Variants in RGL1 observed in about 807,000 individuals in gnomAD.
RGL1 encodes ral guanine nucleotide dissociation stimulator like 1, also known as ral guanine nucleotide dissociation stimulator-like 1.
Under a neutral mutation model 95.2 loss-of-function variants are expected in RGL1, and 24 were observed. The observed-to-expected ratio is 0.25, with a 90% CI of 0.18 to 0.35. RGL1 has a LOEUF of 0.35. Among genes scored for constraint, RGL1 ranks in the 10% least tolerant of loss-of-function variants. The pLI, the probability that RGL1 is intolerant of heterozygous loss-of-function variation, is 1.00. For synonymous variants in RGL1, 329 were observed against 344.9 expected (o/e 0.95, Z 0.51); for missense variants, 715 against 936.3 (o/e 0.76, Z 3.08).
At chr1:183,865,177 A>G (rs1665750824) in intron 3 of RGL1, among the ~76,000 whole-genome samples, 1 of 152,250 alleles carries the variant, frequency 6.6e-6, no homozygotes, top group South Asian at 2.1e-4. Flanking sequence ...CAAACAAAAT[A>G]TGATATATTT....
At chr1:183,896,877 C>T (rs1398969221) in intron 9 of RGL1, among the ~76,000 whole-genome samples, 2 of 152,140 alleles carry the variant, frequency 1.3e-5, no homozygotes, top group Non-Finnish European at 2.9e-5. Context: ...GTAAGAGTTC[C>T]AAACCTGAGA....
intron 3 of RGL1, among the ~76,000 whole-genome samples, chr1:183,852,018 C>G (rs1056168630): frequency 1.3e-5 from 2 of 152,022 alleles, no homozygotes; most frequent in African/African-American, 4.8e-5. Context: ...CTTTTGGTTT[C>G]TTAATAGTAG....
intron 1 of RGL1, among the ~76,000 whole-genome samples, chr1:183,663,559 A>G (rs1651806257): frequency 6.6e-6 from 1 of 152,044 alleles, no homozygotes; most frequent in Non-Finnish European, 1.5e-5. Flanking sequence ...AAAGTCAGGA[A>G]ACAACAGGTG....
chr1:183,888,556 A>G lies in RGL1; in HGVS notation c.1034A>G (p.Lys345Arg), dbSNP rs773289281. The G allele has an allele frequency of 6.2e-7, 1 of 1,612,792 alleles. No homozygotes were observed. Among genetic ancestry groups the G allele is most frequent in the African/African-American group, 1.3e-5 (1 of 74,986 alleles). ...LQSNSIYRLK[K>R]TWAAVPRDRM... ...TCTAATTCCATCTATCGGTTAAAAA[A>G]GACTTGGGCTGCCGTCCCAAGGTAA... The change falls in exon 8 of 18, where the codon AAG (lysine) becomes AGG (arginine). Residue 345 changes from lysine (K) to arginine (R), a missense_variant. Lys to Arg is a conservative substitution (Grantham distance 26, BLOSUM62 2). This residue lies in a region of RGL1 where 381 missense variants were observed against 484.8 expected (regional missense o/e 0.79). Transcript: ENST00000360851.
At chr1:183,795,911 A>C (rs1558211500) in intron 2 of RGL1, among the ~76,000 whole-genome samples, 1 of 152,138 alleles carries the variant, frequency 6.6e-6, no homozygotes, top group Admixed American at 6.5e-5. Flanking sequence ...AAAAATCTTG[A>C]GCTACTCAAA....
chr1:183,927,526 AT>A lies in RGL1; in HGVS notation c.*1236del, dbSNP rs1669681610. 6.6e-6 allele frequency: 1 copy of A among 152,522 alleles called. No homozygotes were observed. Among genetic ancestry groups the A allele is most frequent in the Non-Finnish European group, 1.5e-5 (1 of 68,044 alleles). The allele number at this position is 152,522 out of a possible 1,614,324, so 9.4% of individuals were successfully genotyped here. A position where few individuals can be genotyped will look rare whatever the true frequency, so the allele number is the denominator to read the frequency against. ...TCTGAATCATTTGTCTAAGAGGTAC[AT>A]TCTTCCAGATGGAATCAATAACTTT... On this transcript the variant is annotated 3_prime_UTR_variant, in exon 18 of 18. Transcript: ENST00000360851.
rs899622715 is a variant in RGL1 at position 183,806,875 on chromosome 1, CGTCTGCCTT to C, written c.138+392_138+400del. Reference sequence around the variant, plus strand: ...GCCCTCCCCCAATTGATGCTGTCAGCGTCTGCCTTGCTCCTATATCTCTAGGAGGTACCC... The same window carrying C: ...GCCCTCCCCCAATTGATGCTGTCAGCGCTCCTATATCTCTAGGAGGTACCC... On this transcript the variant is annotated intron_variant, in intron 2 of 17. Transcript: ENST00000360851. Among the ~76,000 whole-genome samples the C allele has an allele frequency of 1.4e-4, 22 of 152,232 alleles. 1 individual carries two copies. The highest frequency in any genetic ancestry group is 1.2e-3 in the East Asian group (6 of 5,178).
chr1:183,759,972 C>T (rs1255374518), intron 2 of RGL1, among the ~76,000 whole-genome samples: 2 of 152,176 alleles, frequency 1.3e-5, no homozygotes, highest in African/African-American at 2.4e-5. Flanking sequence ...TCTTATAAGA[C>T]TCATCACATT....
chr1:183,859,342 C>T (rs1182882977), intron 3 of RGL1, among the ~76,000 whole-genome samples: 1 of 152,152 alleles, frequency 6.6e-6, no homozygotes, highest in Non-Finnish European at 1.5e-5. Flanking sequence ...TTTAAATCTG[C>T]GTGAGATATA....
At chr1:183,644,255 T>G (rs1328275606) in intron 1 of RGL1, among the ~76,000 whole-genome samples, 1 of 152,232 alleles carries the variant, frequency 6.6e-6, no homozygotes, top group Non-Finnish European at 1.5e-5. Context: ...CAGCCTTTTT[T>G]TACTACTTGG....
chr1:183,916,102 G>A (rs536526539), intron 15 of RGL1, among the ~76,000 whole-genome samples: 7 of 152,174 alleles, frequency 4.6e-5, no homozygotes, highest in African/African-American at 1.4e-4. Context: ...CTCCAGCCCC[G>A]TAAGCTTCTG....
chr1:183,686,391 C>G (rs1311460289), intron 1 of RGL1, among the ~76,000 whole-genome samples: 1 of 151,698 alleles, frequency 6.6e-6, no homozygotes, highest in Non-Finnish European at 1.5e-5. Flanking sequence ...ATCTTCATTT[C>G]CCTCAGTGGC....
At chr1:183,852,503 C>T (rs1664882903) in intron 3 of RGL1, among the ~76,000 whole-genome samples, 1 of 152,132 alleles carries the variant, frequency 6.6e-6, no homozygotes, top group South Asian at 2.1e-4. Context: ...TATCTAACTT[C>T]AAACATACAC....
chr1:183,769,696 C>G (rs1659180971), intron 2 of RGL1, among the ~76,000 whole-genome samples: 3 of 152,242 alleles, frequency 2.0e-5, no homozygotes, highest in African/African-American at 7.2e-5. Flanking sequence ...GTTCACGTGG[C>G]TACACTTTGT....
intron 17 of RGL1, among the ~76,000 whole-genome samples, chr1:183,925,352 G>T (rs1372386981): frequency 6.6e-6 from 1 of 152,146 alleles, no homozygotes. Flanking sequence ...GGGAAAAGGG[G>T]AGGGAGAGCA....
chr1:183,701,937 G>GA (rs1271801676), intron 1 of RGL1, among the ~76,000 whole-genome samples: 8 of 151,702 alleles, frequency 5.3e-5, no homozygotes, highest in African/African-American at 1.9e-4. Flanking sequence ...ACTCCATCTC[G>GA]AAAAAAATAA....
chr1:183,866,708 G>A (rs1665860960), intron 4 of RGL1, among the ~76,000 whole-genome samples: 1 of 152,184 alleles, frequency 6.6e-6, no homozygotes, highest in African/African-American at 2.4e-5. Flanking sequence ...AAGATAAGAA[G>A]CGCTTAGAAG....
At position 183,805,248 on chromosome 1, in the gene RGL1, C is replaced by A; in HGVS notation, c.-50C>A. The A allele has an allele frequency of 1.2e-6, 2 of 1,605,250 alleles. No homozygotes were observed. The highest frequency in any genetic ancestry group is 1.1e-5 in the South Asian group (1 of 89,302). ...AGCCCAGCAGACATTGCGTTGGCCT[C>A]CGAGCAGGGCGCATCATGCAGCGTT... On this transcript the variant is annotated 5_prime_UTR_variant, in exon 1 of 18. Transcript: ENST00000360851.
intron 2 of RGL1, 60 bp downstream of exon 2, chr1:183,806,545 A>G (rs1661351184): frequency 3.5e-6 from 4 of 1,154,592 alleles, no homozygotes; most frequent in South Asian, 2.6e-5. Context: ...TTCTGTGAAT[A>G]TCATTATTAT....
Sources: gnomAD v4.1 joint callset for allele counts (sites outside exome capture counted in the v4.1 genomes callset) on GRCh38, gnomAD v4.1.1 for gene constraint, gnomAD v4.1.1 regional missense constraint, MANE v1.5 for transcripts, NCBI Gene and HGNC (gene_info 2026-07-23, HGNC 2026-07-21) for gene names.